The following GALNT18 variants were observed in gnomAD, a reference collection of about 807,000 sequenced individuals.
GALNT18 encodes the protein GalNAc-transferase 18.
A neutral mutation model predicts 69.5 loss-of-function variants in GALNT18; 44 were observed. That is an observed-to-expected ratio of 0.63 (90% CI 0.50 to 0.81). GALNT18 has a LOEUF of 0.81. Among genes scored for constraint, GALNT18 ranks in the 40% least tolerant of loss-of-function variants. The pLI, the probability that GALNT18 is intolerant of heterozygous loss-of-function variation, is 0.00. For synonymous variants in GALNT18, 364 were observed against 318.2 expected, an observed-to-expected ratio of 1.14 and a Z score of -1.53; for missense variants, 715 against 810.0, an observed-to-expected ratio of 0.88 and a Z score of 1.42.
At chr11:11,286,848 C>T (rs1354347861) in intron 10 of GALNT18, among the ~76,000 whole-genome samples, 3 of 152,116 alleles carry the variant, frequency 2.0e-5, no homozygotes, top group African/African-American at 4.8e-5. Flanking sequence ...GCTTTGTATT[C>T]AGGCTGGCCC....
Position 11,435,111 on chromosome 11 carries a change from C to T in GALNT18, c.429-2324G>A, listed in dbSNP as rs1163880606. 6.6e-6 allele frequency among the ~76,000 whole-genome samples: 1 copy of T among 152,236 alleles called. No individual in the cohort carries two copies. The highest frequency in any genetic ancestry group is 2.4e-5 in the African/African-American group (1 of 41,464). On this transcript the variant is annotated intron_variant, in intron 2 of 10. Transcript: ENST00000227756. The surrounding 1 kb of genome is among the most constrained non-coding windows in gnomAD (Gnocchi z 4.4). ...AATGGATTGGCACAAGTTCACTGTC[C>T]TCCCTACTAAAACTCCACCAGCAAT...
intron 2 of GALNT18, among the ~76,000 whole-genome samples, chr11:11,446,983 G>A (rs866928204): frequency 5.3e-5 from 8 of 152,284 alleles, no homozygotes; most frequent in African/African-American, 1.9e-4. Context: ...TTGGCATCAG[G>A]ATTGTTTTTT....
chr11:11,594,828 TATATATATATATACACATATACATAC>T (rs1488173411), intron 1 of GALNT18, among the ~76,000 whole-genome samples: 1 of 29,914 alleles, frequency 3.3e-5, no homozygotes, highest in African/African-American at 6.2e-5. Context: ...TATATATATA[TATATATATATATACACATATACATAC>T]ATACACACAC....
At chr11:11,482,885 T>C (rs893563449) in intron 1 of GALNT18, among the ~76,000 whole-genome samples, 3 of 152,218 alleles carry the variant, frequency 2.0e-5, no homozygotes, top group African/African-American at 7.2e-5. Context: ...GTGTGTTCCA[T>C]GGCCCAGCAG....
Position 11,470,046 on chromosome 11 carries a change from C to G in GALNT18, c.236-21110G>C, listed in dbSNP as rs972792525. ...ATAGGAACCTTTAGAGAAAGACTGT[C>G]CCTCCAATCTGCTTCTGCCTCTCAG... On this transcript the variant is annotated intron_variant, in intron 1 of 10. Coordinates refer to ENST00000227756, the MANE Select transcript of GALNT18 (RefSeq NM_198516.3). This position sits in a 1 kb window ranked among gnomAD's most constrained non-coding sequence, Gnocchi z 4.8. Among the ~76,000 whole-genome samples, 13 of 152,332 alleles carry G rather than the reference C, an allele frequency of 8.5e-5. No individual in the cohort carries two copies. The highest frequency in any genetic ancestry group is 3.1e-4 in the African/African-American group (13 of 41,578).
rs1047328698 is a variant in GALNT18, at chr11:11,602,832, C to T, written c.235+18527G>A. ...AGTGCTCTGTTTACTTCACTTTGAC[C>T]ATATTTTCTGAATTAAAAATAAGGG... On this transcript the variant is annotated intron_variant, in intron 1 of 10. Transcript: ENST00000227756. This position sits in a 1 kb window ranked among gnomAD's most constrained non-coding sequence, Gnocchi z 4.7. Among the ~76,000 whole-genome samples, 13 of 152,124 alleles carry T rather than the reference C, an allele frequency of 8.5e-5. No individual in the cohort carries two copies. Among genetic ancestry groups the T allele is most frequent in the Non-Finnish European group, 2.9e-5 (2 of 68,010 alleles).
At position 11,341,401 on chromosome 11, in the gene GALNT18, G is replaced by C. The variant is rs115087087; in HGVS notation, c.1093-397C>G. ...CAGTGGTTGACATAAAGGAGAACCAGCAAGACTCCCAGCAGAGACTTCCTC... is the reference window on the plus strand; with the variant it reads ...CAGTGGTTGACATAAAGGAGAACCACCAAGACTCCCAGCAGAGACTTCCTC... On this transcript the variant is annotated intron_variant, in intron 6 of 10. Transcript: ENST00000227756. The surrounding 1 kb of genome is among the most constrained non-coding windows in gnomAD (Gnocchi z 6.3). Among the ~76,000 whole-genome samples, 417 of 152,202 alleles carry C rather than the reference G, an allele frequency of 2.7e-3. 3 individuals carry two copies. Among genetic ancestry groups the C allele is most frequent in the African/African-American group, 9.7e-3 (405 of 41,550 alleles).
intron 3 of GALNT18, among the ~76,000 whole-genome samples, chr11:11,408,129 G>A (rs886127988): frequency 1.3e-5 from 2 of 152,286 alleles, no homozygotes; most frequent in South Asian, 4.2e-4. Flanking sequence ...ACTTTGGAAG[G>A]CCAAGGCAGG....
Position 11,614,392 on chromosome 11 carries a change from G to T in GALNT18, c.235+6967C>A, listed in dbSNP as rs937192921. On this transcript the variant is annotated intron_variant, in intron 1 of 10. Coordinates refer to ENST00000227756, the MANE Select transcript of GALNT18 (RefSeq NM_198516.3). The surrounding 1 kb of genome is among the most constrained non-coding windows in gnomAD (Gnocchi z 5.6). ...AGGAGGAGGAGGAGGAGGAGGAGGA[G>T]GAGGGAGGAGGAGCAGCAAGGCTCT... 1.3e-5 allele frequency among the ~76,000 whole-genome samples: 2 copies of T among 150,284 alleles called. No homozygotes were observed. The highest frequency in any genetic ancestry group is 2.5e-5 in the African/African-American group (1 of 40,740).
chr11:11,415,260 C>T lies in GALNT18; in HGVS notation c.595+17361G>A, dbSNP rs1051504526. On this transcript the variant is annotated intron_variant, in intron 3 of 10. Coordinates refer to ENST00000227756, the MANE Select transcript of GALNT18 (RefSeq NM_198516.3). This position sits in a 1 kb window ranked among gnomAD's most constrained non-coding sequence, Gnocchi z 4.1. ...TAATTACGTCAGCCAATTCCCCTCA[C>T]AGCAGGACTCAGATTAGTATTTGCT... Among the ~76,000 whole-genome samples, 3 of 152,168 alleles carry T rather than the reference C, an allele frequency of 2.0e-5. No homozygotes were observed. Among genetic ancestry groups the T allele is most frequent in the Admixed American group, 6.5e-5 (1 of 15,282 alleles).
rs61870419 is a variant in GALNT18, at chr11:11,616,768, C to A, written c.235+4591G>T. Among the ~76,000 whole-genome samples the A allele has an allele frequency of 6.6e-6, 1 of 152,312 alleles. No individual in the cohort carries two copies. The highest frequency in any genetic ancestry group is 3.4e-3 in the Middle Eastern group (1 of 294). Reference sequence around the variant, plus strand: ...GTGGTCCACTGGGTTTGTTCTCAAACGTGTTTACACTATTTGTACTTGTCA... The same window carrying A: ...GTGGTCCACTGGGTTTGTTCTCAAAAGTGTTTACACTATTTGTACTTGTCA... On this transcript the variant is annotated intron_variant, in intron 1 of 10. Transcript: ENST00000227756. This position sits in a 1 kb window ranked among gnomAD's most constrained non-coding sequence, Gnocchi z 4.4.
chr11:11,462,444 T>C (rs1298683424), intron 1 of GALNT18, among the ~76,000 whole-genome samples: 2 of 151,864 alleles, frequency 1.3e-5, no homozygotes, highest in African/African-American at 4.8e-5. Flanking sequence ...ACCCGGCTAA[T>C]TTTTTATTTA....
rs937834565 is a variant in GALNT18 at position 11,317,579 on chromosome 11, G to C, written c.1512+9507C>G. Among the ~76,000 whole-genome samples, 8 of 152,162 alleles carry C rather than the reference G, an allele frequency of 5.3e-5. No individual in the cohort carries two copies. The South Asian group carries it at 1.5e-3, about 28-fold the overall frequency. On this transcript the variant is annotated intron_variant, in intron 9 of 10. Coordinates refer to ENST00000227756, the MANE Select transcript of GALNT18 (RefSeq NM_198516.3). ...TCATGTCCTTTGCCCATTCTTAATG[G>C]GTTATTTGTTTTTGCTTGTTGAGTT... is the stretch of plus-strand genomic sequence containing the variant.
At chr11:11,547,431 G>C (rs80320083) in intron 1 of GALNT18, among the ~76,000 whole-genome samples, 41 of 152,202 alleles carry the variant, frequency 2.7e-4, no homozygotes, top group Admixed American at 8.5e-4. Context: ...CCAGGCACTC[G>C]GGGTGGCTTT....
Position 11,377,129 on chromosome 11 carries a change from T to C in GALNT18, c.977+53A>G. The C allele has an allele frequency of 6.5e-7, 1 of 1,550,148 alleles. No homozygotes were observed. The highest frequency in any genetic ancestry group is 8.9e-7 in the Non-Finnish European group (1 of 1,126,028). On this transcript the variant is annotated intron_variant, in intron 5 of 10. Transcript: ENST00000227756. This position sits in a 1 kb window ranked among gnomAD's most constrained non-coding sequence, Gnocchi z 4.6. Reference sequence around the variant, plus strand: ...GAATAAGCATTGGACCAGTAGGCGGTCCCTAGCCTGGAGGTCAAAGCGGAG... The same window carrying C: ...GAATAAGCATTGGACCAGTAGGCGGCCCCTAGCCTGGAGGTCAAAGCGGAG...
intron 1 of GALNT18, among the ~76,000 whole-genome samples, chr11:11,576,326 G>T (rs565242266): frequency 6.6e-6 from 1 of 152,340 alleles, no homozygotes; most frequent in South Asian, 2.1e-4. Flanking sequence ...GGTTTAGGCT[G>T]ATTAAAAGAA....
rs1413655973 is a variant in GALNT18, at chr11:11,413,707, C to G, written c.595+18914G>C. ...AGTTGACTACTCCAGGGGTCCAGGC[C>G]CTGGTTCTTTGAAGCCTTGCTGTGT... On this transcript the variant is annotated intron_variant, in intron 3 of 10. Coordinates refer to ENST00000227756, the MANE Select transcript of GALNT18 (RefSeq NM_198516.3). The surrounding 1 kb of genome is among the most constrained non-coding windows in gnomAD (Gnocchi z 4.7). Among the ~76,000 whole-genome samples, 1 of 152,108 alleles carries G rather than the reference C, an allele frequency of 6.6e-6. No individual in the cohort carries two copies. The highest frequency in any genetic ancestry group is 1.5e-5 in the Non-Finnish European group (1 of 68,016).
rs79834117 is a variant in GALNT18 at position 11,433,414 on chromosome 11, G to A, written c.429-627C>T. 9.9e-3 allele frequency among the ~76,000 whole-genome samples: 1,503 copies of A among 152,360 alleles called. 30 individuals carry two copies. Among genetic ancestry groups the A allele is most frequent in the African/African-American group, 0.034 (1,426 of 41,576 alleles). ...GTCTCATTTCACAGACAGGGAGCATGAGGCTCAAAGAGGTTGAGTTCCCAC... is the reference window on the plus strand; with the variant it reads ...GTCTCATTTCACAGACAGGGAGCATAAGGCTCAAAGAGGTTGAGTTCCCAC... On this transcript the variant is annotated intron_variant, in intron 2 of 10. Coordinates refer to ENST00000227756, the MANE Select transcript of GALNT18 (RefSeq NM_198516.3).
chr11:11,450,575 T>G (rs1309948291), intron 1 of GALNT18, among the ~76,000 whole-genome samples: 1 of 152,156 alleles, frequency 6.6e-6, no homozygotes, highest in East Asian at 1.9e-4. Context: ...GTGTGAGAGA[T>G]GCAAAAAGAT....
Sources: gnomAD v4.1 joint callset for allele counts (sites outside exome capture counted in the v4.1 genomes callset) on GRCh38, gnomAD v4.1.1 for gene constraint, Gnocchi (gnomAD v3.1) non-coding constraint, MANE v1.5 for transcripts, NCBI Gene and HGNC (gene_info 2026-07-23, HGNC 2026-07-21) for gene names.